ESR1: variants seen among roughly 807,000 people sequenced by gnomAD.
The protein encoded by ESR1 is estrogen receptor 1, also known as estrogen receptor.
In ESR1, 12 loss-of-function variants were observed where a neutral mutation model predicts 52.7. The observed-to-expected ratio is 0.23, with a 90% CI of 0.15 to 0.37. The LOEUF is 0.37. Ranked by LOEUF, ESR1 falls within the 10% of genes least tolerant of loss-of-function variation. ESR1 has a pLI of 1.00. For synonymous variants in ESR1, 305 were observed against 316.8 expected, an observed-to-expected ratio of 0.96 and a Z score of 0.39; for missense variants, 584 against 779.7, an observed-to-expected ratio of 0.75 and a Z score of 2.99.
intron 2 of ESR1, among the ~76,000 whole-genome samples, chr6:151,854,587 C>T (rs994911566): frequency 1.3e-5 from 2 of 152,130 alleles, no homozygotes; most frequent in Non-Finnish European, 2.9e-5. Flanking sequence ...TCAATTTTAT[C>T]CAAATAAGCA....
chr6:151,677,425 T>C (rs1778289389), intron 1 of ESR1, among the ~76,000 whole-genome samples: 1 of 152,230 alleles, frequency 6.6e-6, no homozygotes, highest in African/African-American at 2.4e-5. Context: ...GGCCCATGGT[T>C]CTCTGGGTGA....
chr6:151,747,436 T>C (rs1427978888), intron 2 of ESR1, among the ~76,000 whole-genome samples: 1 of 152,202 alleles, frequency 6.6e-6, no homozygotes. Context: ...ACTCATGCTA[T>C]TTTTCTTTCT....
chr6:151,672,043 G>A (rs1028779788), intron 1 of ESR1, among the ~76,000 whole-genome samples: 7 of 152,068 alleles, frequency 4.6e-5, no homozygotes, highest in Non-Finnish European at 7.4e-5. Context: ...ATGTTGCCCA[G>A]GCTGGTCTCA....
chr6:151,870,588 G>A (rs1790769553), intron 2 of ESR1, among the ~76,000 whole-genome samples: 2 of 152,196 alleles, frequency 1.3e-5, no homozygotes, highest in Non-Finnish European at 2.9e-5. Context: ...ACTTGAACAA[G>A]TGAGTCAACT....
At chr6:151,896,107 G>A (rs1795461474) in intron 3 of ESR1, among the ~76,000 whole-genome samples, 2 of 152,112 alleles carry the variant, frequency 1.3e-5, no homozygotes. Context: ...CCAGATTTTT[G>A]CATCTATGTT....
chr6:152,077,188 T>A (rs1318388795), intron 6 of ESR1, among the ~76,000 whole-genome samples: 1 of 149,156 alleles, frequency 6.7e-6, no homozygotes, highest in Non-Finnish European at 1.5e-5. Flanking sequence ...CTGCTCCAGC[T>A]ATTGCTAAAA....
At chr6:151,737,291 C>T (rs927899191) in intron 2 of ESR1, among the ~76,000 whole-genome samples, 2 of 152,094 alleles carry the variant, frequency 1.3e-5, no homozygotes, top group African/African-American at 4.8e-5. Flanking sequence ...CTAGAATCAC[C>T]GGCTGAGGCA....
intron 5 of ESR1, among the ~76,000 whole-genome samples, chr6:152,014,736 G>T (rs2043037483): frequency 6.6e-6 from 1 of 151,954 alleles, no homozygotes; most frequent in South Asian, 2.1e-4. Flanking sequence ...CAGATTCCTT[G>T]CTTCTGCACC....
At chr6:152,011,924 T>C in intron 5 of ESR1, 130 bp downstream of exon 5, 1 of 981,782 alleles carries the variant, frequency 1.0e-6, no homozygotes, top group Non-Finnish European at 1.5e-6. Flanking sequence ...AACAAAAGAG[T>C]GCATTGGGGG....
At chr6:151,868,909 A>G (rs779068730) in intron 2 of ESR1, among the ~76,000 whole-genome samples, 3 of 152,200 alleles carry the variant, frequency 2.0e-5, no homozygotes, top group Non-Finnish European at 4.4e-5. Flanking sequence ...TAGAGGGTCG[A>G]AAGTGTACAA....
intron 1 of ESR1, among the ~76,000 whole-genome samples, chr6:151,693,835 C>T (rs942678180): frequency 6.6e-6 from 1 of 152,208 alleles, no homozygotes; most frequent in Non-Finnish European, 1.5e-5. Context: ...CCAGGCTGGT[C>T]TCAAACTCCT....
Position 152,115,592 on chromosome 6 carries a change from A to T in ESR1, c.851-9674A>T, listed in dbSNP as rs117992504. 6.3e-3 allele frequency among the ~76,000 whole-genome samples: 965 copies of T among 152,354 alleles called. 4 individuals are homozygous for T. The highest frequency in any genetic ancestry group is 0.011 in the Non-Finnish European group (715 of 68,022). On this transcript the variant is annotated intron_variant, in intron 6 of 6. Transcript: ENST00000427531. The stretch of plus-strand genomic sequence containing the variant: ...AAGGAAAAAGAACCTGCCAGGTTTG[A>T]TGACATAAAAATGAAACTTTCTGTG...
intron 1 of ESR1, among the ~76,000 whole-genome samples, chr6:151,825,549 G>A (rs1437657973): frequency 2.0e-5 from 3 of 152,134 alleles, no homozygotes; most frequent in South Asian, 2.1e-4. Context: ...CCTAACCTGA[G>A]GCCGTTAAAG....
chr6:151,916,314 G>T (rs981615060), intron 3 of ESR1, among the ~76,000 whole-genome samples: 1 of 152,146 alleles, frequency 6.6e-6, no homozygotes, highest in South Asian at 2.1e-4. Context: ...TTGGTGGAAT[G>T]TTGTCTTTTC....
rs562394474 is a variant in ESR1, at chr6:151,998,950, A to C, written c.1097-12706A>C. Among the ~76,000 whole-genome samples the C allele has an allele frequency of 3.3e-5, 5 of 152,194 alleles. No homozygotes were observed. The East Asian group carries it at 9.7e-4, about 30-fold the overall frequency. On this transcript the variant is annotated intron_variant, in intron 4 of 7. Transcript: ENST00000206249. ...TGGACAGAACCCACAGATGTTGTACAAAAAGGGCTGAGTGGACAGTCCAAC... is the reference window on the plus strand; with the variant it reads ...TGGACAGAACCCACAGATGTTGTACCAAAAGGGCTGAGTGGACAGTCCAAC...
intron 1 of ESR1, among the ~76,000 whole-genome samples, chr6:151,673,351 G>A (rs571912573): frequency 1.3e-5 from 2 of 152,178 alleles, no homozygotes; most frequent in African/African-American, 2.4e-5. Context: ...ACGTTTGGAC[G>A]CTTCACTTTA....
intron 2 of ESR1, among the ~76,000 whole-genome samples, chr6:151,855,588 C>T (rs1031465699): frequency 6.6e-6 from 1 of 152,144 alleles, no homozygotes; most frequent in Non-Finnish European, 1.5e-5. Context: ...TTTATTTTAG[C>T]TCTAGGAGAA....
upstream of ESR1, among the ~76,000 whole-genome samples, chr6:151,807,029 G>C (rs1191084481): frequency 1.3e-5 from 2 of 152,060 alleles, no homozygotes; most frequent in African/African-American, 4.8e-5. Context: ...ATCTACTTTG[G>C]GAGCATTTTG....
At position 151,816,115 on chromosome 6, in the gene ESR1, A is replaced by G. The variant is rs182530944; in HGVS notation, c.452+7751A>G. On this transcript the variant is annotated intron_variant, in intron 1 of 7. Transcript: ENST00000206249. ...TATTAAATACAGTGTTTTTGAACAGAAAAACATATAAAACAAGGTTATGTA... is the reference window on the plus strand; with the variant it reads ...TATTAAATACAGTGTTTTTGAACAGGAAAACATATAAAACAAGGTTATGTA... 6.8e-3 allele frequency among the ~76,000 whole-genome samples: 1,042 copies of G among 152,344 alleles called. 3 individuals are homozygous for G. The highest frequency in any genetic ancestry group is 0.012 in the Non-Finnish European group (802 of 68,030).
Sources: gnomAD v4.1 joint callset for allele counts (sites outside exome capture counted in the v4.1 genomes callset) on GRCh38, gnomAD v4.1.1 for gene constraint, MANE v1.5 for transcripts, NCBI Gene and HGNC (gene_info 2026-07-23, HGNC 2026-07-21) for gene names.